The following TIPIN variants were observed in gnomAD, a reference collection of about 807,000 sequenced individuals.
TIPIN encodes the protein TIMELESS interacting protein.
Under a neutral mutation model 35.6 loss-of-function variants are expected in TIPIN, and 29 were observed. The observed-to-expected ratio is 0.82, with a 90% confidence interval of 0.61 to 1.11. TIPIN has a LOEUF of 1.11. TIPIN is among the 50% of genes most tolerant of loss of function. The probability of loss-of-function intolerance (pLI) is 0.00; values close to 1 mark genes in which losing one functional copy is unlikely to be tolerated. For synonymous variants in TIPIN, 102 were observed against 121.5 expected (o/e 0.84, Z 1.06); for missense variants, 296 against 345.4 (o/e 0.86, Z 1.13).
At chr15:66,365,123 A>G (rs1304064151) in intron 1 of TIPIN, among the ~76,000 whole-genome samples, 1 of 152,102 alleles carries the variant, frequency 6.6e-6, no homozygotes, top group Non-Finnish European at 1.5e-5. Flanking sequence ...TCTTTGTCTC[A>G]AAATGAGATA....
intron 1 of TIPIN, among the ~76,000 whole-genome samples, chr15:66,375,224 C>T (rs192392276): frequency 1.3e-5 from 2 of 152,070 alleles, no homozygotes; most frequent in East Asian, 3.9e-4. Context: ...GGTGGCAGTG[C>T]ACTATGATTG....
chr15:66,343,893 G>C (rs766004462), intron 6 of TIPIN, among the ~76,000 whole-genome samples: 18 of 152,078 alleles, frequency 1.2e-4, no homozygotes, highest in Non-Finnish European at 2.2e-4. Context: ...ACCTACTCAG[G>C]AGGCTGAGGC....
chr15:66,341,076 A>G (rs2093082986), intron 7 of TIPIN, 74 bp downstream of exon 7: 2 of 1,339,056 alleles, frequency 1.5e-6, no homozygotes, highest in Middle Eastern at 2.7e-4. Context: ...TTTGGGGGCT[A>G]GCAGAGAAGT....
chr15:66,343,270 C>T (rs1595786763), intron 6 of TIPIN, among the ~76,000 whole-genome samples: 2 of 152,302 alleles, frequency 1.3e-5, no homozygotes, highest in Admixed American at 1.3e-4. Flanking sequence ...TGACACTTTA[C>T]CTTCTATCTA....
At chr15:66,369,627 C>T (rs902360650) in intron 1 of TIPIN, among the ~76,000 whole-genome samples, 26 of 152,132 alleles carry the variant, frequency 1.7e-4, no homozygotes, top group African/African-American at 6.0e-4. Context: ...GGATTACAGG[C>T]GTGAGCCACC....
At position 66,351,597 on chromosome 15, in the gene TIPIN, T is replaced by C. The variant is rs1357155929; in HGVS notation, c.216A>G (p.Leu72=). 1 of 1,605,648 alleles carries C rather than the reference T, an allele frequency of 6.2e-7. No homozygotes were observed. Among genetic ancestry groups the C allele is most frequent in the Non-Finnish European group, 8.5e-7 (1 of 1,175,522 alleles). ...AGGCTGGAAGTCCTCTCTCTGAAAT[T>C]AATCTGTGAATAAAAGTATGTTTTT... ...RNIPKLDAQR[L]ISERGLPALR... is the part of the protein sequence containing the mutation. Residue 72 remains leucine, a synonymous_variant, in exon 4 of 8, where the codon TTA becomes TTG. Transcript: ENST00000261881.
intron 6 of TIPIN, among the ~76,000 whole-genome samples, chr15:66,343,730 G>A (rs1241484720): frequency 2.0e-5 from 3 of 152,194 alleles, no homozygotes; most frequent in Non-Finnish European, 4.4e-5. Context: ...CAGGCGCAGT[G>A]GCCCACACCT....
At chr15:66,337,992 A>T (rs1464665215) in intron 7 of TIPIN, among the ~76,000 whole-genome samples, 1 of 152,184 alleles carries the variant, frequency 6.6e-6, no homozygotes, top group Non-Finnish European at 1.5e-5. Context: ...ACAGTGGATC[A>T]TGCCTGTAAT....
intron 1 of TIPIN, among the ~76,000 whole-genome samples, chr15:66,375,384 A>T (rs1359535283): frequency 6.6e-6 from 1 of 151,456 alleles, no homozygotes; most frequent in African/African-American, 2.4e-5. Flanking sequence ...TATGTGGCCC[A>T]GGTGGGTCTT....
intron 1 of TIPIN, among the ~76,000 whole-genome samples, chr15:66,381,980 G>T (rs962276828): frequency 6.6e-6 from 1 of 152,074 alleles, no homozygotes; most frequent in African/African-American, 2.4e-5. Flanking sequence ...CAGGAGAACC[G>T]CTTGAACCTG....
upstream of TIPIN, among the ~76,000 whole-genome samples, chr15:66,357,825 G>A (rs921488493): frequency 1.3e-5 from 2 of 151,948 alleles, no homozygotes; most frequent in Non-Finnish European, 2.9e-5. Context: ...GCGTGGTGGC[G>A]CGCACCTGTA....
intron 1 of TIPIN, among the ~76,000 whole-genome samples, chr15:66,353,939 T>C (rs2093186342): frequency 6.6e-6 from 1 of 152,132 alleles, no homozygotes; most frequent in African/African-American, 2.4e-5. Flanking sequence ...GCCAACACAG[T>C]GAAACCCCGT....
intron 1 of TIPIN, among the ~76,000 whole-genome samples, chr15:66,355,325 G>A (rs1285062414): frequency 1.3e-5 from 2 of 151,452 alleles, no homozygotes; most frequent in Non-Finnish European, 1.5e-5. Flanking sequence ...GAGCCATCGC[G>A]CCCGGCCCCA....
At chr15:66,352,673 G>T in intron 2 of TIPIN, 142 bp downstream of exon 2, 3 of 849,310 alleles carry the variant, frequency 3.5e-6, no homozygotes, top group Non-Finnish European at 3.3e-6. Context: ...AGTAGAGACG[G>T]GATTTCACCA....
intron 4 of TIPIN, 145 bp from the exon 5 acceptor site, chr15:66,349,582 A>T: frequency 9.5e-7 from 1 of 1,054,880 alleles, no homozygotes; most frequent in Non-Finnish European, 1.3e-6. Flanking sequence ...AAGGAACTTT[A>T]ATAAGAAAAA....
rs373934755 is a variant in TIPIN at position 66,383,699 on chromosome 15, G to A, written c.-9+2908C>T. Reference sequence around the variant, plus strand: ...ATGCCTCTATATTAAAAAGTATGGGGGAAAGAAATGGGGAGATGTAGGTCA... The same window carrying A: ...ATGCCTCTATATTAAAAAGTATGGGAGAAAGAAATGGGGAGATGTAGGTCA... On this transcript the variant is annotated intron_variant, in intron 1 of 7. Transcript: ENST00000562124. The A allele has an allele frequency of 1.1e-4, 60 of 527,756 alleles. 1 individual carries two copies. Among genetic ancestry groups the A allele is most frequent in the African/African-American group, 1.1e-3 (54 of 48,438 alleles). 32.7% of individuals were successfully genotyped at this position (527,756 alleles called of 1,614,324 possible). A position where few individuals can be genotyped will look rare whatever the true frequency, so the allele number is the denominator to read the frequency against.
intron 1 of TIPIN, among the ~76,000 whole-genome samples, chr15:66,381,924 G>C (rs1030875556): frequency 1.3e-5 from 2 of 152,174 alleles, no homozygotes; most frequent in African/African-American, 4.8e-5. Context: ...AATTAGCTGA[G>C]CATGGTGGCG....
At chr15:66,363,544 A>C (rs1566981661) in intron 1 of TIPIN, among the ~76,000 whole-genome samples, 1 of 152,000 alleles carries the variant, frequency 6.6e-6, no homozygotes, top group Non-Finnish European at 1.5e-5. Flanking sequence ...CAGGAGGCTG[A>C]GGCAGGAGAA....
intron 1 of TIPIN, among the ~76,000 whole-genome samples, chr15:66,373,038 C>CA (rs1203808466): frequency 6.6e-6 from 1 of 152,146 alleles, no homozygotes; most frequent in Admixed American, 6.6e-5. Flanking sequence ...AGCCTAGGAG[C>CA]AATAGGCTGT....
Sources: gnomAD v4.1 joint callset for allele counts (sites outside exome capture counted in the v4.1 genomes callset) on GRCh38, gnomAD v4.1.1 for gene constraint, MANE v1.5 for transcripts, NCBI Gene and HGNC (gene_info 2026-07-23, HGNC 2026-07-21) for gene names.